Variants in GOLM2 observed in about 807,000 individuals in gnomAD.
GOLM2 encodes the protein protein GOLM2.
A neutral mutation model predicts 55.9 loss-of-function variants in GOLM2; 26 were observed. The ratio of observed to expected loss-of-function variants is 0.47; its 90% CI spans 0.34 to 0.65. The LOEUF (loss-of-function observed/expected upper bound fraction) is 0.65, where lower values mean the gene tolerates loss of function less well. Among genes scored for constraint, GOLM2 ranks in the 30% least tolerant of loss-of-function variants. The pLI is 0.01. For synonymous variants in GOLM2, 165 were observed against 194.6 expected (o/e 0.85, Z 1.27); for missense variants, 486 against 531.8 (o/e 0.91, Z 0.85).
intron 1 of GOLM2, among the ~76,000 whole-genome samples, chr15:44,312,330 T>C (rs1181030814): frequency 2.0e-5 from 3 of 152,152 alleles, no homozygotes; most frequent in African/African-American, 7.2e-5. Context: ...TCCAACAGCT[T>C]TCAGATCTTT....
chr15:44,371,782 C>G (rs1393644485), intron 6 of GOLM2, among the ~76,000 whole-genome samples: 1 of 152,152 alleles, frequency 6.6e-6, no homozygotes, highest in East Asian at 1.9e-4. Context: ...AAATTGATCA[C>G]AGCCGGTCAA....
chr15:44,337,990 TAAAG>T lies in GOLM2; in HGVS notation c.721+87_721+90del, dbSNP rs2079068890. 3 of 1,314,824 alleles carry T rather than the reference TAAAG, an allele frequency of 2.3e-6. No homozygotes were observed. In the African/African-American group the frequency reaches 4.5e-5, roughly 20 times the overall value. 81.4% of individuals were successfully genotyped at this position (1,314,824 alleles called of 1,614,324 possible). ...ATTTTGAAGTGGATATTTTCAATCA[TAAAG>T]AAAATTGTTTGATTTTAGTTCACAC... On this transcript the variant is annotated intron_variant, in intron 5 of 9. Transcript: ENST00000299957.
intron 1 of GOLM2, among the ~76,000 whole-genome samples, chr15:44,300,090 C>A (rs981976324): frequency 6.8e-6 from 1 of 148,122 alleles, no homozygotes; most frequent in African/African-American, 2.5e-5. Context: ...CAGAGCAAGA[C>A]CCTGTCTCAA....
intron 8 of GOLM2, among the ~76,000 whole-genome samples, chr15:44,397,334 C>T (rs2079533001): frequency 1.3e-5 from 2 of 151,854 alleles, no homozygotes; most frequent in African/African-American, 4.8e-5. Flanking sequence ...AAAAAATTAG[C>T]CGGGCTTGGT....
At chr15:44,343,191 G>A (rs1371868608) in intron 6 of GOLM2, among the ~76,000 whole-genome samples, 1 of 151,876 alleles carries the variant, frequency 6.6e-6, no homozygotes, top group Non-Finnish European at 1.5e-5. Flanking sequence ...AAATTAGCTG[G>A]GTGTGGTGGT....
At chr15:44,374,780 C>G (rs1211305897) in intron 6 of GOLM2, among the ~76,000 whole-genome samples, 1 of 152,108 alleles carries the variant, frequency 6.6e-6, no homozygotes, top group Non-Finnish European at 1.5e-5. Flanking sequence ...CATTAGAAAC[C>G]ACCTCCATGA....
intron 1 of GOLM2, among the ~76,000 whole-genome samples, chr15:44,294,496 CA>C (rs2078742206): frequency 1.3e-5 from 2 of 151,790 alleles, no homozygotes; most frequent in Non-Finnish European, 2.9e-5. Context: ...GGGCAGATCA[CA>C]AGGTCAGGAG....
At chr15:44,369,073 A>G (rs748017245) in intron 6 of GOLM2, among the ~76,000 whole-genome samples, 656 of 39,776 alleles carry the variant, frequency 0.016, 63 homozygotes, top group African/African-American at 0.11. Context: ...TATATTATAT[A>G]TATATATATA....
chr15:44,305,368 C>A (rs999119363), intron 1 of GOLM2, among the ~76,000 whole-genome samples: 1 of 151,484 alleles, frequency 6.6e-6, no homozygotes, highest in Non-Finnish European at 1.5e-5. Flanking sequence ...GGTGCGATCT[C>A]GGCTCACTAC....
intron 1 of GOLM2, among the ~76,000 whole-genome samples, chr15:44,295,487 A>C (rs1434081509): frequency 2.6e-5 from 4 of 152,142 alleles, no homozygotes; most frequent in Non-Finnish European, 4.4e-5. Flanking sequence ...CTGATTTTTT[A>C]AACTTCCCTC....
At chr15:44,355,274 C>T (rs769874943) in intron 6 of GOLM2, 22 of 158,382 alleles carry the variant, frequency 1.4e-4, no homozygotes, top group South Asian at 3.5e-4. Flanking sequence ...GAAACTGTGA[C>T]GTCATGGTTG....
At chr15:44,335,430 A>T (rs923003625) in intron 4 of GOLM2, among the ~76,000 whole-genome samples, 18 of 152,302 alleles carry the variant, frequency 1.2e-4, no homozygotes, top group African/African-American at 4.1e-4. Context: ...AAGATACAAC[A>T]TCTTTGTTAA....
At chr15:44,377,778 C>T (rs1449796087) in intron 6 of GOLM2, among the ~76,000 whole-genome samples, 10 of 151,566 alleles carry the variant, frequency 6.6e-5, no homozygotes, top group East Asian at 1.9e-4. Context: ...AATGGAATGA[C>T]GTGGAAAATA....
chr15:44,295,138 G>A (rs376266442), intron 1 of GOLM2, among the ~76,000 whole-genome samples: 27 of 151,342 alleles, frequency 1.8e-4, no homozygotes, highest in African/African-American at 6.3e-4. Context: ...GGAGCGCAGT[G>A]GCGCAGTCTC....
chr15:44,339,332 T>A (rs1211828629), intron 6 of GOLM2, among the ~76,000 whole-genome samples: 7 of 152,284 alleles, frequency 4.6e-5, no homozygotes, highest in Non-Finnish European at 1.0e-4. Flanking sequence ...AGTGATTTTT[T>A]AAAATTAATT....
rs561300372 is a variant in GOLM2, at chr15:44,388,811, A to G, written c.1072+7835A>G. Among the ~76,000 whole-genome samples the G allele has an allele frequency of 1.2e-4, 19 of 152,114 alleles. No individual in the cohort carries two copies. The South Asian group carries it at 1.5e-3, about 12-fold the overall frequency. On this transcript the variant is annotated intron_variant, in intron 8 of 9. Transcript: ENST00000299957. Reference sequence around the variant, plus strand: ...TTATAGGCATGCATCACTGAGCCCAATGAAAATTCATTTTTTTTTTTTTAG... The same window carrying G: ...TTATAGGCATGCATCACTGAGCCCAGTGAAAATTCATTTTTTTTTTTTTAG...
intron 6 of GOLM2, among the ~76,000 whole-genome samples, chr15:44,366,017 G>T (rs1480720678): frequency 6.6e-6 from 1 of 152,018 alleles, no homozygotes; most frequent in Non-Finnish European, 1.5e-5. Context: ...CTAAGTCTTG[G>T]CCGAGCGCGG....
rs557195161 is a variant in GOLM2 at position 44,377,621 on chromosome 15, G to T, written c.803-2069G>T. Among the ~76,000 whole-genome samples, 28 of 152,246 alleles carry T rather than the reference G, an allele frequency of 1.8e-4. 1 individual carries two copies. In the South Asian group the frequency reaches 5.4e-3, roughly 29 times the overall value. ...ACTTCTGGCCACAAGTGACTCACAT[G>T]CCTCGGTCTTTCAAAGTGCTGGAAT... is the stretch of plus-strand genomic sequence containing the variant. On this transcript the variant is annotated intron_variant, in intron 6 of 9. Coordinates refer to ENST00000299957, the MANE Select transcript of GOLM2 (RefSeq NM_138423.4).
At chr15:44,299,321 C>A (rs1190630821) in intron 1 of GOLM2, among the ~76,000 whole-genome samples, 2 of 150,162 alleles carry the variant, frequency 1.3e-5, no homozygotes, top group African/African-American at 2.5e-5. Flanking sequence ...GAGACAGAGT[C>A]TCGCTCTGTC....
Sources: allele counts gnomAD v4.1 joint callset (sites outside exome capture counted in the v4.1 genomes callset), GRCh38; gene constraint gnomAD v4.1.1; transcripts MANE v1.5; gene names NCBI Gene and HGNC (gene_info 2026-07-23, HGNC 2026-07-21).